JPH3: variants seen among roughly 807,000 people sequenced by gnomAD.
The protein encoded by JPH3 is junctophilin 3.
Under a neutral mutation model 59.6 loss-of-function variants are expected in JPH3, and 11 were observed. The ratio of observed to expected loss-of-function variants is 0.18; its 90% confidence interval spans 0.12 to 0.31. The LOEUF (loss-of-function observed/expected upper bound fraction) is 0.31. Ranked by LOEUF, JPH3 falls within the 10% of genes least tolerant of loss-of-function variation. JPH3 has a pLI of 1.00. For synonymous variants in JPH3, 673 were observed against 483.6 expected, an observed-to-expected ratio of 1.39 and a Z score of -5.14; for missense variants, 1,202 against 1,105.7, an observed-to-expected ratio of 1.09 and a Z score of -1.24.
chr16:87,641,806 A>G (rs2031962818), intron 1 of JPH3, among the ~76,000 whole-genome samples: 1 of 152,278 alleles, frequency 6.6e-6, no homozygotes, highest in South Asian at 2.1e-4. Flanking sequence ...GCCATATGCC[A>G]CATGGGGCGT....
At chr16:87,637,422 T>TTG (rs35239550) in intron 1 of JPH3, among the ~76,000 whole-genome samples, 65,997 of 147,474 alleles carry the variant, frequency 0.45, 14,536 homozygotes, top group Non-Finnish European at 0.48. Flanking sequence ...GTGTGTGTGT[T>TTG]TGTGTGTGTG....
rs1401024015 is a variant in JPH3, at chr16:87,602,539, G to GCCGCCGCCA, written c.-599_-591dup. Reference sequence around the variant, plus strand: ...GCGAGCCGGGCCCGGAGCGCACGCCGCCGCCGCCACCGCCGCCGCCGCCGC... The same window carrying GCCGCCGCCA: ...GCGAGCCGGGCCCGGAGCGCACGCCGCCGCCGCCACCGCCGCCACCGCCGCCGCCGCCGC... On this transcript the variant is annotated 5_prime_UTR_variant, in exon 1 of 5. Transcript: ENST00000284262. 1.1e-4 allele frequency among the ~76,000 whole-genome samples: 16 copies of GCCGCCGCCA among 139,594 alleles called. No individual in the cohort carries two copies. Among genetic ancestry groups the GCCGCCGCCA allele is most frequent in the African/African-American group, 1.5e-4 (6 of 38,966 alleles). The allele number at this position is 139,594 out of a possible 152,430, so 91.6% of individuals were successfully genotyped here.
intron 2 of JPH3, among the ~76,000 whole-genome samples, chr16:87,651,816 C>T (rs1231534398): frequency 6.6e-6 from 1 of 152,258 alleles, no homozygotes. Flanking sequence ...AATGTTCCTT[C>T]AATTTAGTTG....
At chr16:87,678,860 G>T (rs574537421) in intron 2 of JPH3, among the ~76,000 whole-genome samples, 1 of 152,310 alleles carries the variant, frequency 6.6e-6, no homozygotes, top group African/African-American at 2.4e-5. Flanking sequence ...GAACGCCGAG[G>T]GCGCCAGCAG....
At chr16:87,655,476 C>G (rs1478250253) in intron 2 of JPH3, among the ~76,000 whole-genome samples, 2 of 152,188 alleles carry the variant, frequency 1.3e-5, no homozygotes, top group Non-Finnish European at 2.9e-5. Flanking sequence ...ACCTCAGCCT[C>G]CTGAGTAGCT....
At chr16:87,656,095 C>G (rs144472112) in intron 2 of JPH3, among the ~76,000 whole-genome samples, 1 of 152,234 alleles carries the variant, frequency 6.6e-6, no homozygotes, top group Non-Finnish European at 1.5e-5. Flanking sequence ...ATGGCGTGAA[C>G]TTCCCTTCCT....
intron 3 of JPH3, among the ~76,000 whole-genome samples, chr16:87,686,195 C>A (rs1310563729): frequency 6.6e-6 from 1 of 152,244 alleles, no homozygotes; most frequent in African/African-American, 2.4e-5. Flanking sequence ...TGGTGCTTTA[C>A]TGCTCCAGTC....
At chr16:87,661,172 C>G (rs1315284637) in intron 2 of JPH3, among the ~76,000 whole-genome samples, 1 of 152,322 alleles carries the variant, frequency 6.6e-6, no homozygotes, top group African/African-American at 2.4e-5. Flanking sequence ...ACCTTCAGAG[C>G]CAGCGGGGCA....
At chr16:87,664,365 C>T (rs2032797334) in intron 2 of JPH3, among the ~76,000 whole-genome samples, 1 of 149,934 alleles carries the variant, frequency 6.7e-6, no homozygotes, top group Non-Finnish European at 1.5e-5. Flanking sequence ...CCGTCAGGCG[C>T]GGTGGCTCAC....
rs72628300 is a variant in JPH3, at chr16:87,613,743, T to C, written c.382+10215T>C. ...AGAACTGCAAAGCCAGGGAATTCCT[T>C]TGAAAGAAAAACACTTTTTCTTTCT... On this transcript the variant is annotated intron_variant, in intron 1 of 4. Coordinates refer to ENST00000284262, the MANE Select transcript of JPH3 (RefSeq NM_020655.4). Among the ~76,000 whole-genome samples the C allele has an allele frequency of 0.022, 3,418 of 152,344 alleles. 258 individuals are homozygous for C. In the East Asian group the frequency reaches 0.29, roughly 13 times the overall value.
intron 1 of JPH3, among the ~76,000 whole-genome samples, chr16:87,635,145 C>A (rs2031694682): frequency 6.6e-6 from 1 of 152,176 alleles, no homozygotes; most frequent in African/African-American, 2.4e-5. Context: ...GGGCTGTGGC[C>A]ATGAGCTCAG....
At chr16:87,686,476 A>T in intron 3 of JPH3, among the ~76,000 whole-genome samples, 1 of 116,090 alleles carries the variant, frequency 8.6e-6, no homozygotes, top group South Asian at 2.7e-4. Flanking sequence ...TCCTGGAGTC[A>T]GAGATGCTTC....
chr16:87,687,295 G>T (rs965541536), intron 3 of JPH3, among the ~76,000 whole-genome samples: 4 of 152,168 alleles, frequency 2.6e-5, no homozygotes, highest in African/African-American at 9.7e-5. Context: ...TTGCCAGAGC[G>T]CTCAGGCAGG....
Position 87,644,500 on chromosome 16 carries a change from A to T in JPH3, c.625A>T (p.Ser209Cys). 6.2e-7 allele frequency: 1 copy of T among 1,612,910 alleles called. No individual in the cohort carries two copies. The highest frequency in any genetic ancestry group is 8.5e-7 in the Non-Finnish European group (1 of 1,179,854). ...VAHSDSEILK[S>C]KKKGLFRRSL... ...CCACAGTGACTCCGAGATCCTCAAG[A>T]GCAAGAAGAAGGGGCTGTTTCGGCG... is the stretch of plus-strand genomic sequence containing the variant. Residue 209 changes from serine to cysteine, a missense_variant, in exon 2 of 5, where the codon AGC becomes TGC. By Grantham distance (112) the Ser-to-Cys change is moderately radical (BLOSUM62 -1). Transcript: ENST00000284262.
intron 2 of JPH3, among the ~76,000 whole-genome samples, chr16:87,661,864 C>G (rs1018425436): frequency 3.0e-4 from 45 of 152,234 alleles, no homozygotes; most frequent in African/African-American, 7.0e-4. Flanking sequence ...GGCCTTGGCC[C>G]CCAGCAGGAA....
At chr16:87,695,185 G>A (rs1052891293) in intron 4 of JPH3, 1 of 380,046 alleles carries the variant, frequency 2.6e-6, no homozygotes, top group Middle Eastern at 8.4e-4. Flanking sequence ...CCGTTGTTCG[G>A]GCTCCCCTCC....
chr16:87,625,110 A>G (rs1477479309), intron 1 of JPH3, among the ~76,000 whole-genome samples: 1 of 152,136 alleles, frequency 6.6e-6, no homozygotes, highest in Non-Finnish European at 1.5e-5. Flanking sequence ...TATTTTATAT[A>G]CTTTTTAAGA....
intron 1 of JPH3, among the ~76,000 whole-genome samples, chr16:87,620,524 T>C (rs953346344): frequency 8.1e-5 from 2 of 24,844 alleles, no homozygotes; most frequent in Non-Finnish European, 1.6e-4. Flanking sequence ...GGGAGAGGGG[T>C]GGGCTGTGAG....
intron 2 of JPH3, among the ~76,000 whole-genome samples, chr16:87,680,892 T>C (rs965191460): frequency 7.9e-5 from 12 of 152,130 alleles, no homozygotes; most frequent in African/African-American, 2.7e-4. Flanking sequence ...TGAGTTCATG[T>C]TGGTGGTATT....
Sources: gnomAD v4.1 joint callset for allele counts (sites outside exome capture counted in the v4.1 genomes callset) on GRCh38, gnomAD v4.1.1 for gene constraint, MANE v1.5 for transcripts, NCBI Gene and HGNC (gene_info 2026-07-23, HGNC 2026-07-21) for gene names.